The following CCDC7 variants were observed in gnomAD, a reference collection of about 807,000 sequenced individuals.
CCDC7 encodes the protein coiled-coil domain containing 7.
CCDC7 carries 183 observed loss-of-function variants against 196.9 expected under a neutral mutation model. The observed-to-expected ratio is 0.93, with a 90% CI of 0.82 to 1.05. The LOEUF (loss-of-function observed/expected upper bound fraction) is 1.05, where lower values mean the gene tolerates loss of function less well. CCDC7 is among the 50% of genes least tolerant of loss of function. CCDC7 has a pLI of 0.00. For synonymous variants in CCDC7, 525 were observed against 484.6 expected (o/e 1.08, Z -1.10); for missense variants, 1,540 against 1,482.2 (o/e 1.04, Z -0.64).
intron 13 of CCDC7, among the ~76,000 whole-genome samples, chr10:32,562,947 C>T (rs1330955670): frequency 6.6e-6 from 1 of 152,204 alleles, no homozygotes; most frequent in African/African-American, 2.4e-5. Flanking sequence ...TAAGCAACTT[C>T]AGCAAAGTCT....
rs886316024 is a variant in CCDC7 at position 32,635,071 on chromosome 10, C to T, written c.1927C>T (p.Pro643Ser). 1.5e-5 allele frequency: 6 copies of T among 398,578 alleles called. No homozygotes were observed. In the Admixed American group the frequency reaches 2.2e-4, roughly 15 times the overall value. The allele number at this position is 398,578 out of a possible 1,614,324, so 24.7% of individuals were successfully genotyped here. A position where few individuals can be genotyped will look rare whatever the true frequency, so the allele number is the denominator to read the frequency against. Residue 643 changes from proline to serine, a missense_variant, in exon 20 of 42, where the codon CCA becomes TCA. Coordinates refer to ENST00000639629, the Ensembl canonical transcript of CCDC7. ...TTTCTGTTCAGAGACTCTTACAACCCCACAATTGCCTGAGGACATGGTTTT... is the reference window on the plus strand; with the variant it reads ...TTTCTGTTCAGAGACTCTTACAACCTCACAATTGCCTGAGGACATGGTTTT...
At chr10:32,821,542 G>A (rs1247542639) in intron 31 of CCDC7, among the ~76,000 whole-genome samples, 1 of 152,118 alleles carries the variant, frequency 6.6e-6, no homozygotes, top group Non-Finnish European at 1.5e-5. Context: ...ATTCACAATA[G>A]CAAAGACTTG....
chr10:32,697,694 A>C (rs1248351067), intron 24 of CCDC7, among the ~76,000 whole-genome samples: 1 of 152,188 alleles, frequency 6.6e-6, no homozygotes, highest in Non-Finnish European at 1.5e-5. Flanking sequence ...GGTGGAGCCC[A>C]CCGCAGCTCA....
exon 23 of CCDC7, chr10:32,689,068 C>G (rs1264946329): frequency 1.3e-6 from 2 of 1,593,992 alleles, no homozygotes; most frequent in African/African-American, 2.7e-5. Flanking sequence ...GATAAAGAAC[C>G]AAATGAAAAT....
At chr10:32,846,390 C>T (rs750642049) in exon 37 of CCDC7, 1 of 1,577,418 alleles carries the variant, frequency 6.3e-7, no homozygotes, top group Non-Finnish European at 8.7e-7. Flanking sequence ...TGATAAAGAA[C>T]TCTTAAAAGA....
intron 9 of CCDC7, chr10:32,513,930 G>A (rs1171198710): frequency 6.6e-6 from 1 of 152,090 alleles, no homozygotes; most frequent in African/African-American, 2.4e-5. Flanking sequence ...CTATGATCAG[G>A]AACAAGACAA....
intron 18 of CCDC7, among the ~76,000 whole-genome samples, chr10:32,627,663 T>C (rs370418777): frequency 1.6e-4 from 24 of 151,938 alleles, no homozygotes; most frequent in African/African-American, 5.8e-4. Context: ...ATATGGCCTT[T>C]ATTGTTTACA....
At chr10:32,603,323 T>C (rs1339682524) in intron 18 of CCDC7, among the ~76,000 whole-genome samples, 1 of 152,196 alleles carries the variant, frequency 6.6e-6, no homozygotes, top group East Asian at 1.9e-4. Context: ...TGTGGATATG[T>C]ACCATGTTTT....
At chr10:32,515,550 T>G (rs188508233) in intron 9 of CCDC7, among the ~76,000 whole-genome samples, 25 of 152,296 alleles carry the variant, frequency 1.6e-4, no homozygotes, top group Non-Finnish European at 2.2e-4. Flanking sequence ...ATTTTTATTT[T>G]TATTTTTTTT....
intron 18 of CCDC7, among the ~76,000 whole-genome samples, chr10:32,615,938 T>A (rs1268222513): frequency 6.6e-6 from 1 of 152,078 alleles, no homozygotes; most frequent in African/African-American, 2.4e-5. Context: ...TATCTTTTCC[T>A]CAGTGTAAAT....
intron 28 of CCDC7, among the ~76,000 whole-genome samples, chr10:32,765,516 C>T (rs1455942957): frequency 1.3e-4 from 20 of 151,936 alleles, no homozygotes; most frequent in Non-Finnish European, 5.9e-5. Flanking sequence ...GGTTTCCTGA[C>T]CTGTGGAGTA....
Position 32,453,445 on chromosome 10 carries a change from A to C in CCDC7, c.372+9A>C. The C allele has an allele frequency of 6.7e-7, 1 of 1,500,950 alleles. No individual in the cohort carries two copies. The highest frequency in any genetic ancestry group is 8.9e-7 in the Non-Finnish European group (1 of 1,124,564). 93.0% of individuals were successfully genotyped at this position (1,500,950 alleles called of 1,614,324 possible). ...AAGAATTATCTTTATCTGTAAGTAT[A>C]TGCAACCCTAATATAGAGACATTAA... On this transcript the variant is annotated intron_variant, in intron 2 of 41. Transcript: ENST00000639629.
chr10:32,517,923 C>G, intron 9 of CCDC7, 22 bp from the exon 11 acceptor site: 1 of 1,585,398 alleles, frequency 6.3e-7, no homozygotes, highest in Non-Finnish European at 8.6e-7. Flanking sequence ...TATAAACACA[C>G]TTTTTTTGGT....
At position 32,729,249 on chromosome 10, in the gene CCDC7, C is replaced by T; in HGVS notation, c.2780-83C>T. ...ATGAAAACTATTCACATGATTTTCTCATTTTACTTCCATGGGTTGAAATTC... is the reference window on the plus strand; with the variant it reads ...ATGAAAACTATTCACATGATTTTCTTATTTTACTTCCATGGGTTGAAATTC... On this transcript the variant is annotated intron_variant, in intron 27 of 41. Transcript: ENST00000639629. The T allele has an allele frequency of 5.3e-6, 7 of 1,325,504 alleles. No individual in the cohort carries two copies. In the South Asian group the frequency reaches 1.0e-4, roughly 19 times the overall value. 82.1% of individuals were successfully genotyped at this position (1,325,504 alleles called of 1,614,324 possible).
intron 18 of CCDC7, among the ~76,000 whole-genome samples, chr10:32,604,556 G>A (rs577877715): frequency 4.6e-5 from 7 of 152,206 alleles, no homozygotes; most frequent in Admixed American, 3.3e-4. Flanking sequence ...CAGTCAGTGA[G>A]CATGAGATGT....
intron 13 of CCDC7, among the ~76,000 whole-genome samples, chr10:32,550,868 T>A (rs942879157): frequency 1.3e-5 from 2 of 152,136 alleles, no homozygotes; most frequent in African/African-American, 4.8e-5. Flanking sequence ...TCTTTTTTAG[T>A]TATGTCTTTA....
At position 32,508,932 on chromosome 10, in the gene CCDC7, ATTTTTTTTT is replaced by A. The variant is rs4016795; in HGVS notation, c.873-9001_873-8993del. On this transcript the variant is annotated intron_variant, in intron 9 of 41. Transcript: ENST00000639629. ...ACAGGCATGAGCCACTGTGCCTGGC[ATTTTTTTTT>A]TTTTTTTTTTTGAAATGGAGTCTTG... Among the ~76,000 whole-genome samples, 22 of 117,100 alleles carry A rather than the reference ATTTTTTTTT, an allele frequency of 1.9e-4. 1 individual carries two copies. In the South Asian group the frequency reaches 2.3e-3, roughly 12 times the overall value. 76.8% of individuals were successfully genotyped at this position (117,100 alleles called of 152,430 possible).
At chr10:32,644,356 C>G (rs2067376615) in intron 20 of CCDC7, among the ~76,000 whole-genome samples, 1 of 152,146 alleles carries the variant, frequency 6.6e-6, no homozygotes, top group Admixed American at 6.5e-5. Context: ...TCCTCCTCCC[C>G]CAACCCCTCC....
At chr10:32,753,727 C>T (rs1592363778) in intron 28 of CCDC7, among the ~76,000 whole-genome samples, 1 of 152,044 alleles carries the variant, frequency 6.6e-6, no homozygotes, top group Admixed American at 6.6e-5. Flanking sequence ...TCTGTGGCTA[C>T]CAGAAATTCT....
Sources: allele counts gnomAD v4.1 joint callset (sites outside exome capture counted in the v4.1 genomes callset), GRCh38; gene constraint gnomAD v4.1.1; transcripts MANE v1.5; gene names NCBI Gene and HGNC (gene_info 2026-07-23, HGNC 2026-07-21).